ADCY1: variants seen among roughly 807,000 people sequenced by gnomAD.
The protein encoded by ADCY1 is adenylate cyclase type 1.
In ADCY1, 28 loss-of-function variants were observed where a neutral mutation model predicts 105.4. The ratio of observed to expected loss-of-function variants is 0.27; its 90% confidence interval spans 0.20 to 0.36. The LOEUF (loss-of-function observed/expected upper bound fraction) is 0.36. ADCY1 is among the 10% of genes least tolerant of loss of function. ADCY1 has a pLI of 1.00. For missense variants in ADCY1, 977 were observed against 1,434.2 expected (o/e 0.68, Z 5.15); for synonymous variants, 655 against 623.8 (o/e 1.05, Z -0.75).
Position 45,710,663 on chromosome 7 carries a change from C to T in ADCY1, c.3057+11C>T. ...CAGGGCAGAATCCAGGTCAGTTCACCAAGAAACCCCTAAGGCATGGGTGCC... is the reference window on the plus strand; with the variant it reads ...CAGGGCAGAATCCAGGTCAGTTCACTAAGAAACCCCTAAGGCATGGGTGCC... On this transcript the variant is annotated intron_variant, in intron 19 of 19. Transcript: ENST00000297323. This position sits in a 1 kb window ranked among gnomAD's most constrained non-coding sequence, Gnocchi z 4.7. The T allele has an allele frequency of 2.5e-6, 4 of 1,608,534 alleles. No individual in the cohort carries two copies. The highest frequency in any genetic ancestry group is 3.4e-6 in the Non-Finnish European group (4 of 1,177,796).
intron 2 of ADCY1, among the ~76,000 whole-genome samples, chr7:45,603,385 T>C (rs1389232878): frequency 6.6e-6 from 1 of 152,254 alleles, no homozygotes; most frequent in Non-Finnish European, 1.5e-5. Flanking sequence ...GCTGCTAGAC[T>C]GTTTTCCAAA....
rs1461129069 is a variant in ADCY1 at position 45,662,178 on chromosome 7, C to G, written c.1569C>G (p.Pro523=). The change falls in exon 8 of 20, where the codon CCC becomes CCG. Residue 523 remains proline, a synonymous_variant. Transcript: ENST00000297323. ...HCRKMFKAEI[P]FSNVMTCEDD... is the part of the protein sequence containing the mutation. ...GGAAAATGTTCAAGGCCGAGATCCC[C>G]TTCTCCAATGTCATGACCTGCGAGG... 2 of 1,613,924 alleles carry G rather than the reference C, an allele frequency of 1.2e-6. No homozygotes were observed. The highest frequency in any genetic ancestry group is 2.2e-5 in the East Asian group (1 of 44,864).
At position 45,703,288 on chromosome 7, in the gene ADCY1, A is replaced by G. The variant is rs1168410389; in HGVS notation, c.2455-88A>G. The G allele has an allele frequency of 7.9e-7, 1 of 1,269,872 alleles. No individual in the cohort carries two copies. The highest frequency in any genetic ancestry group is 1.5e-5 in the African/African-American group (1 of 68,446). The allele number at this position is 1,269,872 out of a possible 1,614,324, so 78.7% of individuals were successfully genotyped here. ...TAGACCATCAGCACACCTGGAGTCC[A>G]GTTTGGATGATTAGAAGGAAGTGTG... is the stretch of plus-strand genomic sequence containing the variant. On this transcript the variant is annotated intron_variant, in intron 14 of 19. Coordinates refer to ENST00000297323, the MANE Select transcript of ADCY1 (RefSeq NM_021116.4). The surrounding 1 kb of genome is among the most constrained non-coding windows in gnomAD (Gnocchi z 5.9).
chr7:45,657,910 G>T, intron 6 of ADCY1, 25 bp downstream of exon 6: 2 of 1,557,002 alleles, frequency 1.3e-6, no homozygotes, highest in South Asian at 2.3e-5. Context: ...GGGTGGGGAG[G>T]GGAGGGAGGT....
rs368337715 is a variant in ADCY1, at chr7:45,686,609, C to G, written c.2390C>G (p.Ala797Gly). 1.2e-6 allele frequency: 2 copies of G among 1,613,612 alleles called. No individual in the cohort carries two copies. Among genetic ancestry groups the G allele is most frequent in the East Asian group, 4.5e-5 (2 of 44,872 alleles). Residue 797 changes from alanine to glycine, a missense_variant, in exon 14 of 20, where the codon GCG becomes GGG. Ala to Gly is a moderately conservative substitution (Grantham distance 60). This residue lies in a region of ADCY1 where 275 missense variants were observed against 362.1 expected (regional missense o/e 0.76). Transcript: ENST00000297323. This position sits in a 1 kb window ranked among gnomAD's most constrained non-coding sequence, Gnocchi z 4.3. The part of the protein sequence containing the change: ...PIVAILLFSC[A>G]LALHARQVDI... ...GTGGCCATCCTGCTCTTCTCCTGTG[C>G]GCTGGCCCTGCATGCCAGGCAGGTG...
At chr7:45,642,721 G>T (rs143294679) in intron 4 of ADCY1, among the ~76,000 whole-genome samples, 1 of 152,096 alleles carries the variant, frequency 6.6e-6, no homozygotes, top group Non-Finnish European at 1.5e-5. Flanking sequence ...ATGGTGGAGC[G>T]GTTATCAGTG....
At chr7:45,574,151 CA>C (rs1252300995), upstream of ADCY1, 1 of 984,914 alleles carries the variant, frequency 1.0e-6, no homozygotes, top group Admixed American at 6.1e-5. This position sits in a 1 kb window ranked among gnomAD's most constrained non-coding sequence, Gnocchi z 7.0. Flanking sequence ...TTCCACTGTG[CA>C]CGGTGGGGAA....
At position 45,581,178 on chromosome 7, in the gene ADCY1, T is replaced by A. The variant is rs1792528530; in HGVS notation, c.639+5996T>A. 3.3e-5 allele frequency among the ~76,000 whole-genome samples: 5 copies of A among 152,160 alleles called. 1 individual carries two copies. The highest frequency in any genetic ancestry group is 3.3e-4 in the Admixed American group (5 of 15,276). On this transcript the variant is annotated intron_variant, in intron 1 of 19. Transcript: ENST00000297323. Reference sequence around the variant, plus strand: ...CAAAGGGAACAGTAGCTCCCTTCTGTGGTTTTGTAGAACAGATACATCCTC... The same window carrying A: ...CAAAGGGAACAGTAGCTCCCTTCTGAGGTTTTGTAGAACAGATACATCCTC...
At chr7:45,657,634 C>T (rs1427258606) in intron 5 of ADCY1, 93 bp from the exon 6 acceptor site, 6 of 1,351,668 alleles carry the variant, frequency 4.4e-6, no homozygotes, top group African/African-American at 2.9e-5. Flanking sequence ...ACCCAGTTTC[C>T]CTGGTGCTCA....
At chr7:45,607,133 A>G (rs762492908) in intron 2 of ADCY1, among the ~76,000 whole-genome samples, 87 of 152,334 alleles carry the variant, frequency 5.7e-4, no homozygotes, top group Non-Finnish European at 2.5e-4. Context: ...TGCTAATCCA[A>G]TGGACAGAGC....
At chr7:45,679,951 C>G (rs1303639216) in intron 11 of ADCY1, among the ~76,000 whole-genome samples, 158 bp downstream of exon 11, 1 of 152,146 alleles carries the variant, frequency 6.6e-6, no homozygotes, top group Non-Finnish European at 1.5e-5. Context: ...TGGCCTGTGT[C>G]CTGTACCTGC....
chr7:45,701,422 CA>C (rs1784992440), intron 14 of ADCY1, among the ~76,000 whole-genome samples: 1 of 152,132 alleles, frequency 6.6e-6, no homozygotes, highest in African/African-American at 2.4e-5. Context: ...TTTTAAATCA[CA>C]ATGCCATAAA....
chr7:45,581,518 G>A (rs149857298), intron 1 of ADCY1, among the ~76,000 whole-genome samples: 1,883 of 152,272 alleles, frequency 0.012, 35 homozygotes, highest in African/African-American at 0.042. Flanking sequence ...CCGCAGTGGA[G>A]GCTGGCATCC....
chr7:45,659,449 G>A (rs1209342394), intron 6 of ADCY1, among the ~76,000 whole-genome samples: 1 of 152,206 alleles, frequency 6.6e-6, no homozygotes, highest in South Asian at 2.1e-4. Context: ...AGAGACTGTG[G>A]GTGTTCGTTT....
At chr7:45,657,679 G>T (rs778485381) in intron 5 of ADCY1, 48 bp from the exon 6 acceptor site, 2 of 1,579,226 alleles carry the variant, frequency 1.3e-6, no homozygotes, top group Non-Finnish European at 8.6e-7. Flanking sequence ...GGCCCCCTGG[G>T]AGGATACAAG....
At position 45,703,505 on chromosome 7, in the gene ADCY1, C is replaced by A; in HGVS notation, c.2571+13C>A. ...CCCTCGGAACATGGTGAGCACCCAG[C>A]CTGCTCCTGGCCAGCACTAGCCCTA... On this transcript the variant is annotated intron_variant, in intron 15 of 19. Coordinates refer to ENST00000297323, the MANE Select transcript of ADCY1 (RefSeq NM_021116.4). This position sits in a 1 kb window ranked among gnomAD's most constrained non-coding sequence, Gnocchi z 5.9. 6.2e-7 allele frequency: 1 copy of A among 1,613,988 alleles called. No individual in the cohort carries two copies. The highest frequency in any genetic ancestry group is 8.5e-7 in the Non-Finnish European group (1 of 1,179,916).
At chr7:45,611,371 C>T (rs543212730) in intron 3 of ADCY1, among the ~76,000 whole-genome samples, 3 of 152,178 alleles carry the variant, frequency 2.0e-5, no homozygotes, top group Admixed American at 6.5e-5. Flanking sequence ...AGTATTCTTA[C>T]ACTTCCTCTG....
intron 1 of ADCY1, among the ~76,000 whole-genome samples, chr7:45,577,113 G>A (rs1448821464): frequency 6.6e-6 from 1 of 152,124 alleles, no homozygotes; most frequent in Non-Finnish European, 1.5e-5. Flanking sequence ...CTGGGAGCAA[G>A]GATTCTTAGG....
In ADCY1 at chr7:45,686,433, T is replaced by C; in HGVS notation, c.2328-114T>C. On this transcript the variant is annotated intron_variant, in intron 13 of 19. Coordinates refer to ENST00000297323, the MANE Select transcript of ADCY1 (RefSeq NM_021116.4). The surrounding 1 kb of genome is among the most constrained non-coding windows in gnomAD (Gnocchi z 4.3). ...TTGGCCAAGGTCAATCCCAGCAAGCTGTTTTTGGGTGTCACCACCTGAGGG... is the reference window on the plus strand; with the variant it reads ...TTGGCCAAGGTCAATCCCAGCAAGCCGTTTTTGGGTGTCACCACCTGAGGG... 1.4e-6 allele frequency: 2 copies of C among 1,476,824 alleles called. No individual in the cohort carries two copies. Among genetic ancestry groups the C allele is most frequent in the Non-Finnish European group, 1.8e-6 (2 of 1,103,692 alleles). The allele number at this position is 1,476,824 out of a possible 1,614,324, so 91.5% of individuals were successfully genotyped here.
Sources: gnomAD v4.1 joint callset for allele counts (sites outside exome capture counted in the v4.1 genomes callset) on GRCh38, gnomAD v4.1.1 for gene constraint, gnomAD v4.1.1 regional missense constraint, Gnocchi (gnomAD v3.1) non-coding constraint, MANE v1.5 for transcripts, NCBI Gene and HGNC (gene_info 2026-07-23, HGNC 2026-07-21) for gene names.